The following PIBF1 variants were observed in gnomAD, a reference collection of about 807,000 sequenced individuals.
The protein encoded by PIBF1 is progesterone-induced-blocking factor 1.
A neutral mutation model predicts 112.5 loss-of-function variants in PIBF1; 90 were observed. The observed-to-expected ratio is 0.80, with a 90% CI of 0.67 to 0.95. The LOEUF (loss-of-function observed/expected upper bound fraction) is 0.95, where lower values mean the gene tolerates loss of function less well. PIBF1 is among the 40% of genes least tolerant of loss of function. The pLI is 0.00. For missense variants in PIBF1, 915 were observed against 852.3 expected (o/e 1.07, Z -0.92); for synonymous variants, 301 against 288.6 (o/e 1.04, Z -0.44).
rs577875470 is a variant in PIBF1 at position 72,916,265 on chromosome 13, A to G, written c.1640-811A>G. On this transcript the variant is annotated intron_variant, in intron 12 of 17. Transcript: ENST00000326291. ...AAATTAGCCGGGCTTGGTGGTGGGC[A>G]CCTGCAATCCCAGCTACTGGGGAGG... Among the ~76,000 whole-genome samples the G allele has an allele frequency of 9.2e-5, 14 of 152,048 alleles. No homozygotes were observed. The South Asian group carries it at 2.9e-3, about 32-fold the overall frequency.
At chr13:72,963,801 A>T (rs759677125) in intron 14 of PIBF1, among the ~76,000 whole-genome samples, 2 of 152,182 alleles carry the variant, frequency 1.3e-5, no homozygotes, top group Non-Finnish European at 2.9e-5. Context: ...TCCAAAGAAG[A>T]TATACAAATG....
chr13:72,811,821 T>A (rs984118584), intron 5 of PIBF1, among the ~76,000 whole-genome samples: 1 of 151,970 alleles, frequency 6.6e-6, no homozygotes, highest in East Asian at 1.9e-4. Flanking sequence ...ATAATACAAA[T>A]GGCTTACGAT....
intron 16 of PIBF1, 78 bp downstream of exon 16, chr13:72,973,753 C>A: frequency 1.3e-6 from 1 of 758,804 alleles, no homozygotes; most frequent in Admixed American, 2.6e-5. Context: ...ATTATTGGAT[C>A]CCAGTTGTGC....
At chr13:72,879,574 G>T (rs2039539527) in intron 10 of PIBF1, among the ~76,000 whole-genome samples, 1 of 152,264 alleles carries the variant, frequency 6.6e-6, no homozygotes, top group East Asian at 1.9e-4. Context: ...CAACTATAGA[G>T]AATACAATAA....
chr13:72,987,866 T>A (rs1025308906), intron 16 of PIBF1, among the ~76,000 whole-genome samples: 3,124 of 98,068 alleles, frequency 0.032, 62 homozygotes, highest in African/African-American at 0.045. Context: ...TTATTTTTTT[T>A]TTTTTTTTTT....
At chr13:72,819,483 T>C (rs1483964441) in intron 5 of PIBF1, among the ~76,000 whole-genome samples, 3 of 152,168 alleles carry the variant, frequency 2.0e-5, no homozygotes, top group African/African-American at 7.2e-5. Flanking sequence ...GGCCCTGTTT[T>C]CTTCTCTAGC....
intron 17 of PIBF1, among the ~76,000 whole-genome samples, chr13:73,014,643 G>A (rs2044328452): frequency 6.6e-6 from 1 of 152,158 alleles, no homozygotes; most frequent in African/African-American, 2.4e-5. Context: ...AATAATGGAA[G>A]AGTCTGTGCA....
chr13:72,956,299 C>G (rs1178539063), intron 14 of PIBF1, among the ~76,000 whole-genome samples: 3 of 152,078 alleles, frequency 2.0e-5, no homozygotes, highest in Non-Finnish European at 4.4e-5. Context: ...AGTATCTCTC[C>G]TTACCCTTTT....
At chr13:72,920,826 A>G (rs1214632132) in intron 13 of PIBF1, among the ~76,000 whole-genome samples, 3 of 152,278 alleles carry the variant, frequency 2.0e-5, no homozygotes, top group East Asian at 1.9e-4. Context: ...AAAAAAAATC[A>G]GTGGAAACTT....
At chr13:72,838,174 A>G (rs2037444898) in intron 9 of PIBF1, among the ~76,000 whole-genome samples, 1 of 152,236 alleles carries the variant, frequency 6.6e-6, no homozygotes, top group South Asian at 2.1e-4. Flanking sequence ...ATTGAAATGT[A>G]CCATTTGCCA....
At chr13:72,995,423 C>A (rs778931182) in intron 16 of PIBF1, among the ~76,000 whole-genome samples, 1 of 151,888 alleles carries the variant, frequency 6.6e-6, no homozygotes, top group Non-Finnish European at 1.5e-5. Flanking sequence ...TAAAACAGTG[C>A]GACATGGGTG....
chr13:72,927,330 C>T (rs2041518620), intron 13 of PIBF1, among the ~76,000 whole-genome samples: 2 of 152,124 alleles, frequency 1.3e-5, no homozygotes, highest in African/African-American at 4.8e-5. Context: ...TGGTGAAACC[C>T]TGTCTCTACT....
intron 10 of PIBF1, among the ~76,000 whole-genome samples, chr13:72,871,492 GAT>G (rs1246575409): frequency 1.5e-4 from 23 of 152,264 alleles, no homozygotes; most frequent in African/African-American, 5.3e-4. Context: ...TTTTAGTAGA[GAT>G]AGGGTTTCCC....
intron 11 of PIBF1, among the ~76,000 whole-genome samples, chr13:72,900,278 A>G (rs1282181615): frequency 6.6e-6 from 1 of 152,194 alleles, no homozygotes; most frequent in African/African-American, 2.4e-5. Flanking sequence ...GAATCAAAAA[A>G]GAACCCGCAT....
intron 14 of PIBF1, 29 bp downstream of exon 14, chr13:72,931,296 G>T (rs755499672): frequency 8.0e-7 from 1 of 1,254,884 alleles, no homozygotes; most frequent in Admixed American, 1.8e-5. Context: ...CCCATATGAA[G>T]AATCACAGTA....
intron 16 of PIBF1, among the ~76,000 whole-genome samples, chr13:72,995,542 C>G (rs1566530664): frequency 1.3e-5 from 2 of 152,070 alleles, no homozygotes; most frequent in African/African-American, 4.8e-5. Context: ...AAAAAATGGT[C>G]TCTTCAGTAC....
chr13:72,782,164 T>C lies in PIBF1; in HGVS notation c.-233T>C, dbSNP rs1338860415. On this transcript the variant is annotated 5_prime_UTR_variant, in exon 1 of 18. Coordinates refer to ENST00000326291, the MANE Select transcript of PIBF1 (RefSeq NM_006346.4). ...GACTTCCGGCGGCTTGTGGGAGTGC[T>C]GGTTCTGTCCTCCTTGCGGGTGCGG... 3 of 281,656 alleles carry C rather than the reference T, an allele frequency of 1.1e-5. No individual in the cohort carries two copies. Among genetic ancestry groups the C allele is most frequent in the African/African-American group, 6.5e-5 (3 of 46,010 alleles). 17.4% of individuals were successfully genotyped at this position (281,656 alleles called of 1,614,324 possible). A position where few individuals can be genotyped will look rare whatever the true frequency, so the allele number is the denominator to read the frequency against.
chr13:72,889,566 A>G (rs1272367037), intron 10 of PIBF1, among the ~76,000 whole-genome samples: 3 of 152,198 alleles, frequency 2.0e-5, no homozygotes, highest in African/African-American at 7.2e-5. Flanking sequence ...ATAACTGAAT[A>G]CTAAAAATCC....
In PIBF1 at chr13:72,783,642, A is replaced by G; in HGVS notation, c.173A>G (p.His58Arg). 1 of 1,613,960 alleles carries G rather than the reference A, an allele frequency of 6.2e-7. No homozygotes were observed. The highest frequency in any genetic ancestry group is 1.1e-5 in the South Asian group (1 of 91,082). Residue 58 changes from histidine (H) to arginine (R), a missense_variant, in exon 2 of 18, where the codon CAT becomes CGT. His to Arg is a conservative substitution (Grantham distance 29). Transcript: ENST00000326291. ...CTAATTGAACGAAAAGAACTACTTC[A>G]TAATATTCAGTTACTAAAAATTGAG... ...RQLIERKELLHNIQLLKIELS... is the reference protein window; with the variant it reads ...RQLIERKELLRNIQLLKIELS...
Sources: allele counts gnomAD v4.1 joint callset (sites outside exome capture counted in the v4.1 genomes callset), GRCh38; gene constraint gnomAD v4.1.1; transcripts MANE v1.5; gene names NCBI Gene and HGNC (gene_info 2026-07-23, HGNC 2026-07-21).